Variants in BBS12 observed in about 807,000 individuals in gnomAD.
The protein encoded by BBS12 is chaperonin-containing T-complex member BBS12.
Under a neutral mutation model 5.6 loss-of-function variants are expected in BBS12, and 5 were observed. The observed-to-expected ratio is 0.89, with a 90% confidence interval of 0.46 to 1.86. The LOEUF is 1.86. Ranked by LOEUF, BBS12 falls within the 40% of genes most tolerant of loss-of-function variation. The probability of loss-of-function intolerance (pLI) is 0.01; values close to 1 mark genes in which losing one functional copy is unlikely to be tolerated. For missense variants in BBS12, 748 were observed against 830.4 expected (o/e 0.90, Z 1.22); for synonymous variants, 308 against 306.8 (o/e 1.00, Z -0.04).
the BBS12 span, among the ~76,000 whole-genome samples, chr4:122,714,947 A>G: frequency 6.6e-6 from 1 of 152,088 alleles, no homozygotes; most frequent in African/African-American, 2.4e-5. Context: ...TAGTTGAGGA[A>G]ACAGAATTTT....
At chr4:122,728,503 T>C (rs1242456050), upstream of BBS12, 4 of 152,240 alleles carry the variant, frequency 2.6e-5, no homozygotes, top group Non-Finnish European at 4.4e-5. Context: ...CAAAAATCTT[T>C]GTCTTTAGGA....
At chr4:122,727,743 G>A (rs7693576), upstream of BBS12, among the ~76,000 whole-genome samples, 23,635 of 151,012 alleles carry the variant, frequency 0.16, 2,969 homozygotes, top group East Asian at 0.64. Context: ...TAGTAGAGAC[G>A]GGGTTTCACC....
intron 1 of BBS12, among the ~76,000 whole-genome samples, chr4:122,738,187 A>AT (rs1800814014): frequency 6.6e-6 from 1 of 152,104 alleles, no homozygotes; most frequent in Non-Finnish European, 1.5e-5. Flanking sequence ...TCAAACAACA[A>AT]CAAAAAAATA....
At chr4:122,722,279 T>C in the BBS12 span, among the ~76,000 whole-genome samples, 1 of 152,214 alleles carries the variant, frequency 6.6e-6, no homozygotes, top group Non-Finnish European at 1.5e-5. Context: ...ACCGGTCCAC[T>C]AGTCTATCCT....
Position 122,742,330 on chromosome 4 carries a change from A to G in BBS12, c.438A>G (p.Thr146=), listed in dbSNP as rs747471347. 1.2e-6 allele frequency: 2 copies of G among 1,613,948 alleles called. No homozygotes were observed. Among genetic ancestry groups the G allele is most frequent in the African/African-American group, 2.7e-5 (2 of 74,906 alleles). ...NIFDCMDSTK[T]FSQLETFSVS... is the part of the protein sequence containing the mutation. ...TTGACTGTATGGACAGCACAAAAACATTTTCTCAACTTGAAACATTTAGTG... is the reference window on the plus strand; with the variant it reads ...TTGACTGTATGGACAGCACAAAAACGTTTTCTCAACTTGAAACATTTAGTG... The change falls in exon 2 of 2, where the codon ACA becomes ACG. Residue 146 remains threonine (T), a synonymous_variant. Coordinates refer to ENST00000314218, the MANE Select transcript of BBS12 (RefSeq NM_152618.3).
rs1380752857 is a variant in BBS12, at chr4:122,744,690, AGTCG to A, written c.*667_*670del. ...TATCAGCTACTCTGATTAACCTGAC[AGTCG>A]GGTTGTTTAGTCAGTACCAAATTTG... On this transcript the variant is annotated 3_prime_UTR_variant, in exon 2 of 2. Coordinates refer to ENST00000314218, the MANE Select transcript of BBS12 (RefSeq NM_152618.3). 2 of 167,184 alleles carry A rather than the reference AGTCG, an allele frequency of 1.2e-5. No individual in the cohort carries two copies. The highest frequency in any genetic ancestry group is 4.8e-5 in the African/African-American group (2 of 41,454). 10.4% of individuals were successfully genotyped at this position (167,184 alleles called of 1,614,324 possible).
chr4:122,700,884 C>T, the BBS12 span, among the ~76,000 whole-genome samples: 1 of 152,214 alleles, frequency 6.6e-6, no homozygotes, highest in Non-Finnish European at 1.5e-5. Context: ...TGAACTACTT[C>T]TTCCTTTCTC....
chr4:122,719,810 G>A, the BBS12 span, among the ~76,000 whole-genome samples: 2 of 152,250 alleles, frequency 1.3e-5, no homozygotes, highest in African/African-American at 4.8e-5. Flanking sequence ...GGGTCTTGGG[G>A]AAGGGTATGT....
At chr4:122,713,170 A>G in the BBS12 span, among the ~76,000 whole-genome samples, 1 of 152,206 alleles carries the variant, frequency 6.6e-6, no homozygotes, top group Non-Finnish European at 1.5e-5. Flanking sequence ...TGTGGCTATC[A>G]TTAGAATACT....
chr4:122,739,500 C>A (rs76481473), intron 1 of BBS12, among the ~76,000 whole-genome samples: 12 of 152,210 alleles, frequency 7.9e-5, no homozygotes, highest in African/African-American at 2.7e-4. Flanking sequence ...CATGAATGAC[C>A]AGTGAAAAGC....
chr4:122,735,222 GA>G (rs1021802029), intron 1 of BBS12, among the ~76,000 whole-genome samples: 3 of 152,162 alleles, frequency 2.0e-5, no homozygotes, highest in African/African-American at 7.2e-5. Flanking sequence ...GGTCATGAAA[GA>G]TCTATAGCAT....
At chr4:122,741,056 A>G (rs309367) in intron 1 of BBS12, among the ~76,000 whole-genome samples, 40,581 of 152,128 alleles carry the variant, frequency 0.27, 6,528 homozygotes, top group African/African-American at 0.44. Context: ...TTTATTAAAA[A>G]CATTTTAACG....
the BBS12 span, among the ~76,000 whole-genome samples, chr4:122,722,055 T>C: frequency 6.6e-6 from 1 of 152,210 alleles, no homozygotes; most frequent in Non-Finnish European, 1.5e-5. Flanking sequence ...GGAAGCTTTA[T>C]ATTTTTACCT....
the BBS12 span, among the ~76,000 whole-genome samples, chr4:122,721,868 G>A: frequency 5.9e-5 from 9 of 152,124 alleles, no homozygotes; most frequent in South Asian, 1.9e-3. Context: ...CATATTCAAG[G>A]GGAGGGAAAT....
At chr4:122,704,674 A>G in the BBS12 span, among the ~76,000 whole-genome samples, 1 of 152,114 alleles carries the variant, frequency 6.6e-6, no homozygotes, top group Non-Finnish European at 1.5e-5. Context: ...CTTCTCTCTC[A>G]TGTTTGGCTT....
intron 1 of BBS12, among the ~76,000 whole-genome samples, chr4:122,733,351 C>T (rs1215693244): frequency 6.7e-6 from 1 of 150,052 alleles, no homozygotes; most frequent in Non-Finnish European, 1.5e-5. Flanking sequence ...CCCATAATTA[C>T]TATCGGACCC....
In BBS12 at chr4:122,743,946, A is replaced by G; in HGVS notation, c.2054A>G (p.Gln685Arg). ...TTGGATTTAGTATTGTTAGTACTTC[A>G]GACAGACAGTGAAATAATTACTGGA... is the stretch of plus-strand genomic sequence containing the variant. The part of the protein sequence containing the change: ...RALDLVLLVL[Q>R]TDSEIITGHG... Residue 685 changes from glutamine to arginine, a missense_variant, in exon 2 of 2, where the codon CAG becomes CGG. Physicochemically the swap from Gln to Arg is conservative, Grantham distance 43 (BLOSUM62 1). Transcript: ENST00000314218. 1 of 1,612,838 alleles carries G rather than the reference A, an allele frequency of 6.2e-7. No homozygotes were observed. Among genetic ancestry groups the G allele is most frequent in the Non-Finnish European group, 8.5e-7 (1 of 1,179,644 alleles).
intron 1 of BBS12, among the ~76,000 whole-genome samples, chr4:122,733,425 A>ACACACACACACAC (rs1560702542): frequency 8.5e-6 from 1 of 117,750 alleles, no homozygotes; most frequent in Non-Finnish European, 1.8e-5. Flanking sequence ...ACACACACAC[A>ACACACACACACAC]TCCAGCCATT....
intron 1 of BBS12, among the ~76,000 whole-genome samples, chr4:122,735,611 T>A (rs1290545401): frequency 6.6e-6 from 1 of 152,198 alleles, no homozygotes; most frequent in Non-Finnish European, 1.5e-5. Context: ...ATACTAAAAG[T>A]ACCGTCTGTT....
Sources: allele counts gnomAD v4.1 joint callset (sites outside exome capture counted in the v4.1 genomes callset), GRCh38; gene constraint gnomAD v4.1.1; transcripts MANE v1.5; gene names NCBI Gene and HGNC (gene_info 2026-07-23, HGNC 2026-07-21).